The following YTHDF3 variants were observed in gnomAD, a reference collection of about 807,000 sequenced individuals.
The protein encoded by YTHDF3 is YTH domain-containing family protein 3.
A neutral mutation model predicts 52.5 loss-of-function variants in YTHDF3; 9 were observed. The observed-to-expected ratio is 0.17, with a 90% CI of 0.10 to 0.30. YTHDF3 has a LOEUF of 0.30. Ranked by LOEUF, YTHDF3 falls within the 10% of genes least tolerant of loss-of-function variation. YTHDF3 has a pLI of 1.00. For missense variants in YTHDF3, 534 were observed against 715.0 expected (o/e 0.75, Z 2.89); for synonymous variants, 274 against 243.3 (o/e 1.13, Z -1.18).
At chr8:63,180,081 C>G (rs1307482690) in intron 3 of YTHDF3, among the ~76,000 whole-genome samples, 3 of 151,348 alleles carry the variant, frequency 2.0e-5, no homozygotes, top group Admixed American at 1.3e-4. Context: ...GCTGACCCCC[C>G]CCACCTCCCT....
chr8:63,196,013 G>C (rs1809215087), intron 4 of YTHDF3, among the ~76,000 whole-genome samples: 1 of 151,990 alleles, frequency 6.6e-6, no homozygotes, highest in Admixed American at 6.6e-5. Context: ...TGTCGCCCAG[G>C]TTGGTTTAGA....
intron 2 of YTHDF3, among the ~76,000 whole-genome samples, chr8:63,173,950 T>A (rs960715966): frequency 1.3e-4 from 20 of 152,178 alleles, no homozygotes; most frequent in African/African-American, 4.8e-4. Context: ...CTTTGAATGC[T>A]TTACACAGTA....
In YTHDF3 at chr8:63,187,547, C is replaced by T. The variant is rs1485600004; in HGVS notation, c.1536C>T (p.Pro512=). The change falls in exon 4 of 5, where the codon CCC becomes CCT. Residue 512 remains proline (P), a synonymous_variant. Transcript: ENST00000539294. The part of the protein sequence containing the change: ...EVKWIFVKDV[P]NNQLRHIRLE... Reference sequence around the variant, plus strand: ...AATGGATCTTTGTCAAAGATGTTCCCAATAACCAATTACGGCATATTCGCT... The same window carrying T: ...AATGGATCTTTGTCAAAGATGTTCCTAATAACCAATTACGGCATATTCGCT... The T allele has an allele frequency of 6.2e-7, 1 of 1,613,788 alleles. No individual in the cohort carries two copies. The highest frequency in any genetic ancestry group is 1.3e-5 in the African/African-American group (1 of 74,906).
intron 3 of YTHDF3, among the ~76,000 whole-genome samples, chr8:63,185,276 CT>C (rs971840509): frequency 1.3e-5 from 2 of 149,910 alleles, no homozygotes; most frequent in Non-Finnish European, 3.0e-5. Context: ...CAAATTTGAG[CT>C]TTTTTTTTCC....
intron 3 of YTHDF3, among the ~76,000 whole-genome samples, chr8:63,184,732 G>C (rs1249025483): frequency 6.6e-6 from 1 of 152,242 alleles, no homozygotes; most frequent in Non-Finnish European, 1.5e-5. Context: ...GACTGTCTCT[G>C]TAAATTAGCC....
intron 2 of YTHDF3, among the ~76,000 whole-genome samples, chr8:63,173,225 TTAAG>T (rs1198927694): frequency 6.9e-6 from 1 of 144,668 alleles, no homozygotes; most frequent in Non-Finnish European, 1.5e-5. Context: ...CAGATAAATT[TTAAG>T]TAAGTACTTT....
chr8:63,189,369 AATGG>A (rs1471157052), intron 4 of YTHDF3, among the ~76,000 whole-genome samples: 7 of 152,212 alleles, frequency 4.6e-5, no homozygotes, highest in Non-Finnish European at 2.9e-5. Flanking sequence ...GGAAAGAGAA[AATGG>A]ATGGGCTTTT....
chr8:63,198,370 G>A (rs781255452), intron 4 of YTHDF3, among the ~76,000 whole-genome samples: 92 of 152,130 alleles, frequency 6.0e-4, no homozygotes, highest in Non-Finnish European at 9.1e-4. Flanking sequence ...GGATTCAAAC[G>A]ATTCTCATGC....
intron 2 of YTHDF3, among the ~76,000 whole-genome samples, chr8:63,174,789 A>G (rs1053840933): frequency 6.6e-6 from 1 of 152,204 alleles, no homozygotes; most frequent in African/African-American, 2.4e-5. Flanking sequence ...TTATAAGTCT[A>G]TTCATTGTGA....
intron 3 of YTHDF3, among the ~76,000 whole-genome samples, chr8:63,179,474 C>T (rs1355352286): frequency 2.0e-5 from 3 of 152,156 alleles, no homozygotes; most frequent in African/African-American, 4.8e-5. Flanking sequence ...TCTTGCACCG[C>T]TCTTAATCCA....
chr8:63,175,114 A>G (rs1049389939), intron 2 of YTHDF3, among the ~76,000 whole-genome samples: 1 of 152,138 alleles, frequency 6.6e-6, no homozygotes, highest in Non-Finnish European at 1.5e-5. Context: ...GCTTGTGTTT[A>G]TGTAATCTTG....
Position 63,206,987 on chromosome 8 carries a change from C to G in YTHDF3, c.1735-2696C>G, listed in dbSNP as rs1044188804. Among the ~76,000 whole-genome samples, 3 of 152,154 alleles carry G rather than the reference C, an allele frequency of 2.0e-5. No individual in the cohort carries two copies. The South Asian group carries it at 6.2e-4, about 32-fold the overall frequency. ...TTGTATACCTTGGTAAAATATGTACCTTGTAATTATTTGTCTCAGTTTTCT... is the reference window on the plus strand; with the variant it reads ...TTGTATACCTTGGTAAAATATGTACGTTGTAATTATTTGTCTCAGTTTTCT... On this transcript the variant is annotated intron_variant, in intron 4 of 4. Transcript: ENST00000539294.
chr8:63,205,559 G>C (rs748358149), intron 4 of YTHDF3, among the ~76,000 whole-genome samples: 5 of 151,070 alleles, frequency 3.3e-5, no homozygotes, highest in African/African-American at 9.7e-5. Context: ...TCATCCTCCT[G>C]AGTGGCTGGG....
chr8:63,180,433 G>A (rs1216042019), intron 3 of YTHDF3, among the ~76,000 whole-genome samples: 31 of 149,554 alleles, frequency 2.1e-4, no homozygotes, highest in Non-Finnish European at 7.4e-5. Flanking sequence ...GGGAAGAGGC[G>A]CTCCTCACTT....
At chr8:63,189,004 C>T (rs1192123265) in intron 4 of YTHDF3, 1 of 151,836 alleles carries the variant, frequency 6.6e-6, no homozygotes, top group Non-Finnish European at 1.5e-5. Flanking sequence ...AGCCACTGTG[C>T]CTGGCAAAAT....
In YTHDF3 at chr8:63,212,479, G is replaced by T. The variant is rs1278295183; in HGVS notation, c.*2773G>T. The T allele has an allele frequency of 6.6e-6, 1 of 152,600 alleles. No homozygotes were observed. Among genetic ancestry groups the T allele is most frequent in the African/African-American group, 2.4e-5 (1 of 41,438 alleles). 9.5% of individuals were successfully genotyped at this position (152,600 alleles called of 1,614,324 possible). A position where few individuals can be genotyped will look rare whatever the true frequency, so the allele number is the denominator to read the frequency against. On this transcript the variant is annotated 3_prime_UTR_variant, in exon 5 of 5. Transcript: ENST00000539294. ...CTTAAGTCATTTAATCATTTCAAGT[G>T]CATTCTGCATCCTTTAAAAATAAGT...
At chr8:63,206,982 T>C (rs1810075459) in intron 4 of YTHDF3, among the ~76,000 whole-genome samples, 1 of 152,230 alleles carries the variant, frequency 6.6e-6, no homozygotes, top group African/African-American at 2.4e-5. Flanking sequence ...TGGTAAAATA[T>C]GTACCTTGTA....
chr8:63,197,981 A>G (rs1809346728), intron 4 of YTHDF3, among the ~76,000 whole-genome samples: 1 of 152,132 alleles, frequency 6.6e-6, no homozygotes, highest in Non-Finnish European at 1.5e-5. Context: ...ATCCAAGACT[A>G]TTTTTGGTTC....
intron 4 of YTHDF3, among the ~76,000 whole-genome samples, chr8:63,191,815 C>T (rs563361869): frequency 8.5e-5 from 13 of 152,140 alleles, no homozygotes; most frequent in African/African-American, 2.6e-4. Flanking sequence ...TCATCTATGT[C>T]GTTGTGTAAC....
Sources: allele counts gnomAD v4.1 joint callset (sites outside exome capture counted in the v4.1 genomes callset), GRCh38; gene constraint gnomAD v4.1.1; transcripts MANE v1.5; gene names NCBI Gene and HGNC (gene_info 2026-07-23, HGNC 2026-07-21).